DIDO1: variants seen among roughly 807,000 people sequenced by gnomAD.
DIDO1 encodes the protein death inducer-obliterator 1, also known as death-inducer obliterator 1.
In DIDO1, 16 loss-of-function variants were observed where a neutral mutation model predicts 99.4. The ratio of observed to expected loss-of-function variants is 0.16; its 90% confidence interval spans 0.11 to 0.24. The LOEUF (loss-of-function observed/expected upper bound fraction) is 0.24, where lower values mean the gene tolerates loss of function less well. Ranked by LOEUF, DIDO1 falls within the 10% of genes least tolerant of loss-of-function variation. The pLI, the probability that DIDO1 is intolerant of heterozygous loss-of-function variation, is 1.00. For synonymous variants in DIDO1, 1,366 were observed against 1,239.1 expected, an observed-to-expected ratio of 1.10 and a Z score of -2.15; for missense variants, 2,996 against 3,014.0, an observed-to-expected ratio of 0.99 and a Z score of 0.14.
chr20:62,903,015 C>T (rs912489190), intron 6 of DIDO1, among the ~76,000 whole-genome samples: 3 of 151,390 alleles, frequency 2.0e-5, no homozygotes, highest in African/African-American at 4.9e-5. Flanking sequence ...CTTCATGCCT[C>T]GACAATAATG....
In DIDO1 at chr20:62,896,989, C is replaced by G. The variant is rs1432204119; in HGVS notation, c.1596G>C (p.Lys532Asn). The change falls in exon 7 of 16, where the codon AAG (lysine) becomes AAC (asparagine). Residue 532 changes from lysine (K) to asparagine (N), a missense_variant. By Grantham distance (94) the Lys-to-Asn change is moderately conservative. This residue lies in a region of DIDO1 where 898 missense variants were observed against 972.7 expected (regional missense o/e 0.92). Coordinates refer to ENST00000395343, the MANE Select transcript of DIDO1 (RefSeq NM_001193369.2). This position sits in a 1 kb window ranked among gnomAD's most constrained non-coding sequence, Gnocchi z 4.4. ...PSPSLLYKST[K>N]EDRRSEEKAA... ...CTTTCTCCTCGGACCTCCTGTCTTC[C>G]TTCGTGGCTACAAAGAAGAACACAG... 6.2e-7 allele frequency: 1 copy of G among 1,610,708 alleles called. No homozygotes were observed. Among genetic ancestry groups the G allele is most frequent in the Admixed American group, 1.7e-5 (1 of 59,448 alleles).
At chr20:62,936,742 T>C (rs901424951) in intron 1 of DIDO1, among the ~76,000 whole-genome samples, 4 of 151,726 alleles carry the variant, frequency 2.6e-5, no homozygotes, top group Non-Finnish European at 5.9e-5. Flanking sequence ...TGCGCCCCTG[T>C]GGTCCCAGCT....
In DIDO1 at chr20:62,879,063, G is replaced by T; in HGVS notation, c.*170C>A. On this transcript the variant is annotated 3_prime_UTR_variant, in exon 16 of 16. Transcript: ENST00000395343. The surrounding 1 kb of genome is among the most constrained non-coding windows in gnomAD (Gnocchi z 6.3). The stretch of plus-strand genomic sequence containing the variant: ...GTTTAGTTTTTTTAAAAAAGCATCA[G>T]AATTGTAAAGATGTGAAATCTTGTA... The T allele has an allele frequency of 3.6e-6, 2 of 557,334 alleles. No individual in the cohort carries two copies. The highest frequency in any genetic ancestry group is 5.6e-6 in the Non-Finnish European group (2 of 356,274). The allele number at this position is 557,334 out of a possible 1,614,324, so 34.5% of individuals were successfully genotyped here. A position where few individuals can be genotyped will look rare whatever the true frequency, so the allele number is the denominator to read the frequency against.
chr20:62,882,985 C>T (rs760445196), intron 15 of DIDO1, among the ~76,000 whole-genome samples: 29 of 137,438 alleles, frequency 2.1e-4, no homozygotes, highest in Non-Finnish European at 2.6e-4. Flanking sequence ...CGCAGTGGCG[C>T]GAGCTCGGCT....
intron 6 of DIDO1, among the ~76,000 whole-genome samples, chr20:62,902,930 C>G (rs1487462625): frequency 6.6e-6 from 1 of 151,872 alleles, no homozygotes. Context: ...TATCAAATAC[C>G]ATCTCAAAAT....
At chr20:62,902,147 C>T (rs1054765391) in intron 6 of DIDO1, among the ~76,000 whole-genome samples, 4 of 152,174 alleles carry the variant, frequency 2.6e-5, no homozygotes, top group African/African-American at 7.2e-5. Context: ...AGGGGCACCA[C>T]GGGACGGTGC....
rs1428173079 is a variant in DIDO1, at chr20:62,879,693, C to G, written c.6263G>C (p.Arg2088Thr). ...YRNQTFEGRQ[R>T]ERFDVGPKEK... Reference sequence around the variant, plus strand: ...TTTGGGCCCCACGTCAAACCGCTCTCTCTGCCTCCCTTCGAAAGTCTGGTT... The same window carrying G: ...TTTGGGCCCCACGTCAAACCGCTCTGTCTGCCTCCCTTCGAAAGTCTGGTT... Residue 2088 changes from arginine to threonine, a missense_variant, in exon 16 of 16, where the codon AGA (arginine) becomes ACA (threonine). This residue lies in a region of DIDO1 where 1,562 missense variants were observed against 1,412.6 expected (regional missense o/e 1.11). Transcript: ENST00000395343. This position sits in a 1 kb window ranked among gnomAD's most constrained non-coding sequence, Gnocchi z 6.3. 5.0e-6 allele frequency: 8 copies of G among 1,610,820 alleles called. No individual in the cohort carries two copies. The East Asian group carries it at 1.3e-4, about 27-fold the overall frequency.
chr20:62,897,914 T>C (rs2064574306), intron 6 of DIDO1, among the ~76,000 whole-genome samples: 1 of 152,054 alleles, frequency 6.6e-6, no homozygotes, highest in African/African-American at 2.4e-5. Flanking sequence ...GCCTGGGGAA[T>C]AGGGGGCCCC....
intron 6 of DIDO1, among the ~76,000 whole-genome samples, chr20:62,901,712 A>C: frequency 6.6e-6 from 1 of 152,098 alleles, no homozygotes; most frequent in East Asian, 1.9e-4. Context: ...AAGTTGCCGC[A>C]ACCTTCATTT....
At chr20:62,884,235 C>T (rs184542188) in intron 15 of DIDO1, among the ~76,000 whole-genome samples, 41 of 152,240 alleles carry the variant, frequency 2.7e-4, no homozygotes, top group South Asian at 4.2e-4. Context: ...ATATTCCCAA[C>T]GTCGTAAGTT....
intron 6 of DIDO1, among the ~76,000 whole-genome samples, chr20:62,902,152 C>T (rs6089811): frequency 0.017 from 2,657 of 152,248 alleles, 66 homozygotes; most frequent in African/African-American, 0.058. Flanking sequence ...CACCACGGGA[C>T]GGTGCTGATG....
chr20:62,914,437 T>C (rs796294959), intron 1 of DIDO1, 31 bp from the exon 2 acceptor site: 2 of 152,292 alleles, frequency 1.3e-5, no homozygotes, highest in African/African-American at 4.8e-5. Context: ...ATTTTACATA[T>C]CTTAAGTAAA....
At position 62,910,988 on chromosome 20, in the gene DIDO1, CAG is replaced by C; in HGVS notation, c.623_624del (p.Thr208SerfsTer8). The C allele has an allele frequency of 6.2e-7, 1 of 1,614,104 alleles. No homozygotes were observed. Among genetic ancestry groups the C allele is most frequent in the Non-Finnish European group, 8.5e-7 (1 of 1,180,024 alleles). On this transcript the variant is annotated frameshift_variant, in exon 3 of 16. Coordinates refer to ENST00000395343, the MANE Select transcript of DIDO1 (RefSeq NM_001193369.2). LOFTEE classifies it high-confidence loss of function. ...AETVGSEASD[T>X]VEGVLPSKQE... ...TGCTTACTGGGCAGGACGCCCTCCA[CAG>C]TGTCACTGGCCTCGGAGCCCACAGT...
Position 62,894,776 on chromosome 20 carries a change from T to C in DIDO1, c.2436+34A>G, listed in dbSNP as rs376072661. 1.6e-4 allele frequency: 260 copies of C among 1,591,498 alleles called. 2 individuals carry two copies. Among genetic ancestry groups the C allele is most frequent in the Non-Finnish European group, 1.0e-5 (12 of 1,167,530 alleles). On this transcript the variant is annotated intron_variant, in intron 10 of 15. Coordinates refer to ENST00000395343, the MANE Select transcript of DIDO1 (RefSeq NM_001193369.2). This position sits in a 1 kb window ranked among gnomAD's most constrained non-coding sequence, Gnocchi z 4.4. ...AAAACATTTGGGATGGATTAGTCTA[T>C]TCTCGGTGAACACAAAATCTCCCAA...
At chr20:62,917,701 G>A (rs1003064936) in intron 1 of DIDO1, among the ~76,000 whole-genome samples, 3 of 152,132 alleles carry the variant, frequency 2.0e-5, no homozygotes, top group African/African-American at 7.2e-5. Context: ...GTATGTTTGC[G>A]GGTTCCGAAA....
In DIDO1 at chr20:62,879,656, C is replaced by T. The variant is rs766562513; in HGVS notation, c.6300G>A (p.Leu2100=). 3 of 1,608,222 alleles carry T rather than the reference C, an allele frequency of 1.9e-6. No homozygotes were observed. Among genetic ancestry groups the T allele is most frequent in the Middle Eastern group, 1.6e-4 (1 of 6,062 alleles). The part of the protein sequence containing the change: ...RFDVGPKEKP[L]EEPDAQGRAS... ...CCCGGCCCTGGGCGTCGGGCTCCTC[C>T]AGCGGCTTCTCTTTGGGCCCCACGT... is the stretch of plus-strand genomic sequence containing the variant. Residue 2100 remains leucine (L), a synonymous_variant, in exon 16 of 16, where the codon CTG becomes CTA. Transcript: ENST00000395343. The surrounding 1 kb of genome is among the most constrained non-coding windows in gnomAD (Gnocchi z 6.3).
chr20:62,881,083 G>C lies in DIDO1; in HGVS notation c.4873C>G (p.Pro1625Ala). Residue 1625 changes from proline (P) to alanine (A), a missense_variant, in exon 16 of 16, where the codon CCC (proline) becomes GCC (alanine). Around this residue, in one of 5 missense-constraint regions of DIDO1, gnomAD observed 1,562 missense variants for 1,412.6 expected, o/e 1.11. Coordinates refer to ENST00000395343, the MANE Select transcript of DIDO1 (RefSeq NM_001193369.2). This position sits in a 1 kb window ranked among gnomAD's most constrained non-coding sequence, Gnocchi z 8.3. ...ASSPWASGEK[P>A]PAGSEQDGWK... ...CCGTCCTGCTCGGACCCCGCTGGGG[G>C]CTTTTCGCCCGAAGCCCAGGGGGAA... is the stretch of plus-strand genomic sequence containing the variant. 6.2e-7 allele frequency: 1 copy of C among 1,609,152 alleles called. No homozygotes were observed. Among genetic ancestry groups the C allele is most frequent in the Non-Finnish European group, 8.5e-7 (1 of 1,179,458 alleles).
intron 1 of DIDO1, among the ~76,000 whole-genome samples, chr20:62,933,318 A>G (rs573073576): frequency 1.3e-5 from 2 of 152,246 alleles, no homozygotes; most frequent in African/African-American, 4.8e-5. Flanking sequence ...TGAAAAGTGA[A>G]GTTCATGAAA....
chr20:62,907,626 C>A (rs1044428123), intron 4 of DIDO1, among the ~76,000 whole-genome samples: 1 of 152,250 alleles, frequency 6.6e-6, no homozygotes, highest in Non-Finnish European at 1.5e-5. Context: ...CTGTGCACCC[C>A]TCTCGAGGGT....
Sources: gnomAD v4.1 joint callset for allele counts (sites outside exome capture counted in the v4.1 genomes callset) on GRCh38, gnomAD v4.1.1 for gene constraint, gnomAD v4.1.1 regional missense constraint, Gnocchi (gnomAD v3.1) non-coding constraint, MANE v1.5 for transcripts, NCBI Gene and HGNC (gene_info 2026-07-23, HGNC 2026-07-21) for gene names.